PIP4K2A: variants seen among roughly 807,000 people sequenced by gnomAD.
The protein encoded by PIP4K2A is phosphatidylinositol-5-phosphate 4-kinase type 2 alpha.
PIP4K2A carries 14 observed loss-of-function variants against 42.9 expected under a neutral mutation model. That is an observed-to-expected ratio of 0.33 (90% CI 0.22 to 0.51). PIP4K2A has a LOEUF of 0.51. Ranked by LOEUF, PIP4K2A falls within the 20% of genes least tolerant of loss-of-function variation. The pLI, the probability that PIP4K2A is intolerant of heterozygous loss-of-function variation, is 0.97. For synonymous variants in PIP4K2A, 192 were observed against 192.2 expected (o/e 1.00, Z 0.01); for missense variants, 434 against 519.8 (o/e 0.83, Z 1.61).
intron 1 of PIP4K2A, among the ~76,000 whole-genome samples, chr10:22,713,645 G>A (rs546438144): frequency 7.2e-5 from 11 of 152,340 alleles, no homozygotes; most frequent in African/African-American, 2.6e-4. Context: ...CACTAAAGCT[G>A]CTGCCCCAAA....
intron 7 of PIP4K2A, among the ~76,000 whole-genome samples, chr10:22,542,914 T>C (rs1218742293): frequency 6.6e-6 from 1 of 152,184 alleles, no homozygotes; most frequent in Non-Finnish European, 1.5e-5. Flanking sequence ...CACAGGATCC[T>C]GTTCCACTCC....
At position 22,607,975 on chromosome 10, in the gene PIP4K2A, G is replaced by C; in HGVS notation, c.291C>G (p.Val97=). The change falls in exon 3 of 10, where the codon GTC becomes GTG. Residue 97 remains valine, a synonymous_variant. Coordinates refer to ENST00000376573, the MANE Select transcript of PIP4K2A (RefSeq NM_005028.5). ...CAAACCTCTCCCGCAGGTTACGGAAGACCATCGGGCAGTATTCCTTAAACT... is the reference window on the plus strand; with the variant it reads ...CAAACCTCTCCCGCAGGTTACGGAACACCATCGGGCAGTATTCCTTAAACT... The part of the protein sequence containing the change: ...HFKFKEYCPM[V]FRNLRERFGI... The C allele has an allele frequency of 6.2e-7, 1 of 1,613,410 alleles. No individual in the cohort carries two copies. Among genetic ancestry groups the C allele is most frequent in the Non-Finnish European group, 8.5e-7 (1 of 1,179,510 alleles).
At position 22,664,204 on chromosome 10, in the gene PIP4K2A, CATATATATATATACATATATATAT is replaced by C. The variant is rs1186031355; in HGVS notation, c.144+49955_144+49978del. ...ATACATATATATACATATATATATA[CATATATATATATACATATATATAT>C]ACACACACACACACACACACACATA... On this transcript the variant is annotated intron_variant, in intron 1 of 9. Transcript: ENST00000376573. Among the ~76,000 whole-genome samples the C allele has an allele frequency of 2.2e-3, 103 of 47,718 alleles. 1 individual carries two copies. The highest frequency in any genetic ancestry group is 9.0e-3 in the African/African-American group (66 of 7,318). The allele number at this position is 47,718 out of a possible 152,430, so 31.3% of individuals were successfully genotyped here.
intron 1 of PIP4K2A, among the ~76,000 whole-genome samples, chr10:22,628,233 T>A (rs1387442450): frequency 6.6e-6 from 1 of 152,172 alleles, no homozygotes; most frequent in Non-Finnish European, 1.5e-5. Flanking sequence ...ATAAATTCAA[T>A]AAAATATTCT....
At chr10:22,612,861 CCAGGGGCAG>C (rs1487571005) in intron 1 of PIP4K2A, among the ~76,000 whole-genome samples, 1 of 152,058 alleles carries the variant, frequency 6.6e-6, no homozygotes, top group Admixed American at 6.6e-5. Flanking sequence ...TCTGAAGTTC[CCAGGGGCAG>C]CAGGGGCAAG....
intron 4 of PIP4K2A, among the ~76,000 whole-genome samples, chr10:22,575,406 A>C (rs1045426765): frequency 6.6e-6 from 1 of 152,166 alleles, no homozygotes; most frequent in Admixed American, 6.5e-5. Context: ...CTACCTTTAC[A>C]GAATCCCGCC....
chr10:22,626,995 G>T (rs1838452737), intron 1 of PIP4K2A, among the ~76,000 whole-genome samples: 1 of 152,008 alleles, frequency 6.6e-6, no homozygotes, highest in Non-Finnish European at 1.5e-5. Flanking sequence ...CATTACTTTA[G>T]GAAAAAGGGC....
At chr10:22,578,965 A>T (rs1837189196) in intron 4 of PIP4K2A, among the ~76,000 whole-genome samples, 1 of 152,210 alleles carries the variant, frequency 6.6e-6, no homozygotes, top group African/African-American at 2.4e-5. Flanking sequence ...AAATATGAAA[A>T]TTCTAGATTT....
intron 1 of PIP4K2A, among the ~76,000 whole-genome samples, chr10:22,630,014 T>C (rs1226005441): frequency 6.6e-6 from 1 of 152,182 alleles, no homozygotes; most frequent in East Asian, 1.9e-4. Flanking sequence ...GCTCTCTGTA[T>C]TTCTCAAGAA....
chr10:22,558,015 C>T (rs544457160), intron 6 of PIP4K2A, among the ~76,000 whole-genome samples: 13 of 152,232 alleles, frequency 8.5e-5, no homozygotes, highest in Non-Finnish European at 1.2e-4. Flanking sequence ...ACTTGTATTT[C>T]GGAATGAATT....
chr10:22,618,023 C>A (rs1242801790), intron 1 of PIP4K2A, among the ~76,000 whole-genome samples: 6 of 152,126 alleles, frequency 3.9e-5, no homozygotes, highest in African/African-American at 1.2e-4. Flanking sequence ...GATGACTATT[C>A]TAGATACTAC....
chr10:22,638,052 G>A (rs538197705), intron 1 of PIP4K2A, among the ~76,000 whole-genome samples: 1 of 152,124 alleles, frequency 6.6e-6, no homozygotes, highest in Non-Finnish European at 1.5e-5. Flanking sequence ...CCTTCCTCCT[G>A]AACAGTCCCC....
At chr10:22,601,875 G>A (rs540668236) in intron 3 of PIP4K2A, among the ~76,000 whole-genome samples, 6 of 152,228 alleles carry the variant, frequency 3.9e-5, no homozygotes, top group South Asian at 2.1e-4. Flanking sequence ...TCTGTGACCC[G>A]CATCCCTGCT....
At chr10:22,599,984 T>C (rs1837717037) in intron 3 of PIP4K2A, among the ~76,000 whole-genome samples, 1 of 150,216 alleles carries the variant, frequency 6.7e-6, no homozygotes, top group South Asian at 2.1e-4. Context: ...GATGTTTATT[T>C]CCGCAGTCGG....
At chr10:22,661,945 T>C (rs566660172) in intron 1 of PIP4K2A, 3 of 152,218 alleles carry the variant, frequency 2.0e-5, no homozygotes, top group South Asian at 2.1e-4. Context: ...GGAACAAGAT[T>C]GTGATGTGAA....
At chr10:22,612,860 CCCAGGGGCA>C (rs1239240073) in intron 1 of PIP4K2A, among the ~76,000 whole-genome samples, 1 of 152,086 alleles carries the variant, frequency 6.6e-6, no homozygotes, top group African/African-American at 2.4e-5. Flanking sequence ...GTCTGAAGTT[CCCAGGGGCA>C]GCAGGGGCAA....
chr10:22,645,094 CTT>C (rs1838853031), intron 1 of PIP4K2A, among the ~76,000 whole-genome samples: 3 of 152,306 alleles, frequency 2.0e-5, no homozygotes, highest in Admixed American at 6.5e-5. Flanking sequence ...TCAGAATTGA[CTT>C]TTAAAATACC....
intron 4 of PIP4K2A, among the ~76,000 whole-genome samples, chr10:22,584,837 C>T (rs1331751396): frequency 6.6e-6 from 1 of 152,184 alleles, no homozygotes; most frequent in Non-Finnish European, 1.5e-5. Flanking sequence ...TATCCAAGTA[C>T]TTTCCAAATT....
intron 1 of PIP4K2A, among the ~76,000 whole-genome samples, chr10:22,660,950 G>C (rs1330730921): frequency 6.6e-6 from 1 of 152,178 alleles, no homozygotes; most frequent in Non-Finnish European, 1.5e-5. Context: ...ACGTGTCAAT[G>C]TAGGTTCATC....
Sources: gnomAD v4.1 joint callset for allele counts (sites outside exome capture counted in the v4.1 genomes callset) on GRCh38, gnomAD v4.1.1 for gene constraint, MANE v1.5 for transcripts, NCBI Gene and HGNC (gene_info 2026-07-23, HGNC 2026-07-21) for gene names.